Variants in PLXDC1 observed in about 807,000 individuals in gnomAD.
The protein encoded by PLXDC1 is plexin domain containing 1.
PLXDC1 carries 39 observed loss-of-function variants against 61.3 expected under a neutral mutation model. The ratio of observed to expected loss-of-function variants is 0.64; its 90% CI spans 0.49 to 0.83. The LOEUF is 0.83. Ranked by LOEUF, PLXDC1 falls within the 40% of genes least tolerant of loss-of-function variation. The pLI, the probability that PLXDC1 is intolerant of heterozygous loss-of-function variation, is 0.00. For synonymous variants in PLXDC1, 212 were observed against 254.5 expected, an observed-to-expected ratio of 0.83 and a Z score of 1.59; for missense variants, 596 against 666.5, an observed-to-expected ratio of 0.89 and a Z score of 1.17.
intron 11 of PLXDC1, among the ~76,000 whole-genome samples, chr17:39,075,850 G>C (rs1045960349): frequency 6.6e-6 from 1 of 152,150 alleles, no homozygotes; most frequent in Admixed American, 6.5e-5. Context: ...AGCCAAGGTG[G>C]GTGGATCACA....
chr17:39,124,067 A>G (rs73983215), intron 2 of PLXDC1, among the ~76,000 whole-genome samples: 480 of 152,254 alleles, frequency 3.2e-3, no homozygotes, highest in African/African-American at 0.011. Context: ...ACAGAAATGC[A>G]TTCTAGATCC....
chr17:39,071,123 G>A (rs1217442589), intron 12 of PLXDC1, among the ~76,000 whole-genome samples: 2 of 152,202 alleles, frequency 1.3e-5, no homozygotes, highest in South Asian at 2.1e-4. Context: ...CCGGGGGAGA[G>A]AGTATTTTCC....
chr17:39,085,513 G>A (rs2143438262), intron 8 of PLXDC1, among the ~76,000 whole-genome samples: 1 of 152,304 alleles, frequency 6.6e-6, no homozygotes, highest in Admixed American at 6.5e-5. Flanking sequence ...TCGTGGAGCT[G>A]ACAGTGAGAG....
chr17:39,128,199 G>GTA (rs1265238886), intron 2 of PLXDC1, among the ~76,000 whole-genome samples: 35 of 134,498 alleles, frequency 2.6e-4, no homozygotes, highest in Admixed American at 2.0e-3. Context: ...GTATATATAT[G>GTA]TATATATATG....
chr17:39,132,758 C>T (rs758156209), intron 2 of PLXDC1, among the ~76,000 whole-genome samples: 5 of 151,886 alleles, frequency 3.3e-5, no homozygotes, highest in African/African-American at 9.7e-5. Flanking sequence ...AGGGGAGGTC[C>T]GCAGCCAGGA....
rs563232365 is a variant in PLXDC1, at chr17:39,072,964, A to G, written c.1187-479T>C. The G allele has an allele frequency of 3.0e-5, 5 of 164,010 alleles. No homozygotes were observed. In the East Asian group the frequency reaches 6.5e-4, roughly 21 times the overall value. 10.2% of individuals were successfully genotyped at this position (164,010 alleles called of 1,614,324 possible). A position where few individuals can be genotyped will look rare whatever the true frequency, so the allele number is the denominator to read the frequency against. ...GTGGTTCCTTCCCATGCAGATTTTTATGGGGAAAGAAAAGCAAGAGTTCCA... is the reference window on the plus strand; with the variant it reads ...GTGGTTCCTTCCCATGCAGATTTTTGTGGGGAAAGAAAAGCAAGAGTTCCA... On this transcript the variant is annotated intron_variant, in intron 11 of 13. Transcript: ENST00000315392.
rs1180336911 is a variant in PLXDC1, at chr17:39,069,916, G to A, written c.1323C>T (p.Ile441=). ...VLAVLLVAAI[I]LAGIYINGHP... is the part of the protein sequence containing the mutation. ...GGCCATTGATGTAAATTCCAGCCAGGATGATGGCCGCCACGAGGAGGACTG... is the reference window on the plus strand; with the variant it reads ...GGCCATTGATGTAAATTCCAGCCAGAATGATGGCCGCCACGAGGAGGACTG... The change falls in exon 13 of 14, where the codon ATC becomes ATT. Residue 441 remains isoleucine, a synonymous_variant. Coordinates refer to ENST00000315392, the MANE Select transcript of PLXDC1 (RefSeq NM_020405.5). The A allele has an allele frequency of 1.2e-6, 2 of 1,613,734 alleles. No homozygotes were observed. The highest frequency in any genetic ancestry group is 2.2e-5 in the South Asian group (2 of 91,068).
intron 7 of PLXDC1, among the ~76,000 whole-genome samples, chr17:39,097,328 C>A (rs1035854218): frequency 3.9e-5 from 6 of 152,128 alleles, no homozygotes; most frequent in Non-Finnish European, 8.8e-5. Context: ...GTCTGCAGAC[C>A]AGATGGCTCT....
Position 39,063,703 on chromosome 17 carries a change from C to T in PLXDC1, c.*4137G>A, listed in dbSNP as rs553608839. The T allele has an allele frequency of 1.8e-4, 93 of 529,988 alleles. No individual in the cohort carries two copies. The Middle Eastern group carries it at 2.8e-3, about 16-fold the overall frequency. The allele number at this position is 529,988 out of a possible 1,614,324, so 32.8% of individuals were successfully genotyped here. A position where few individuals can be genotyped will look rare whatever the true frequency, so the allele number is the denominator to read the frequency against. ...CATGAATACATTGTGTTTTAGAAGG[C>T]TGGGTGCCCTCAGTCCCCAGATCTT... On this transcript the variant is annotated 3_prime_UTR_variant, in exon 14 of 14. Transcript: ENST00000315392.
chr17:39,096,034 A>C (rs1022343023), intron 7 of PLXDC1, among the ~76,000 whole-genome samples: 1 of 152,244 alleles, frequency 6.6e-6, no homozygotes, highest in Admixed American at 6.5e-5. Context: ...CCAGATGCCC[A>C]TGGGAGAGTG....
At chr17:39,078,572 C>T (rs4794802) in intron 10 of PLXDC1, among the ~76,000 whole-genome samples, 6 of 152,198 alleles carry the variant, frequency 3.9e-5, no homozygotes, top group Non-Finnish European at 5.9e-5. Context: ...ATAGACCCAT[C>T]TATGTTAGTC....
intron 2 of PLXDC1, among the ~76,000 whole-genome samples, chr17:39,110,549 C>T (rs774703115): frequency 2.0e-5 from 3 of 152,294 alleles, no homozygotes; most frequent in East Asian, 1.9e-4. Context: ...GAGCACCAGC[C>T]GCAGGAGGAA....
Position 39,109,375 on chromosome 17 carries a change from T to C in PLXDC1, c.272A>G (p.Tyr91Cys), listed in dbSNP as rs1335776487. 1 of 1,596,862 alleles carries C rather than the reference T, an allele frequency of 6.3e-7. No homozygotes were observed. The highest frequency in any genetic ancestry group is 1.1e-5 in the South Asian group (1 of 88,100). ...GGGGCCATAGAGACGGGACACATAA[T>C]AGCTGTGGTTGTCCTCCTGCCGGCA... is the stretch of plus-strand genomic sequence containing the variant. ...RTRVVEDNHSYYVSRLYGPSE... is the reference protein window; with the variant it reads ...RTRVVEDNHSCYVSRLYGPSE... The change falls in exon 3 of 14, where the codon TAT becomes TGT. Residue 91 changes from tyrosine (Y) to cysteine (C), a missense_variant. By Grantham distance (194) the Tyr-to-Cys change is radical. Coordinates refer to ENST00000315392, the MANE Select transcript of PLXDC1 (RefSeq NM_020405.5).
Position 39,069,993 on chromosome 17 carries a change from TG to T in PLXDC1, c.1245del (p.Lys416ArgfsTer55). On this transcript the variant is annotated frameshift_variant, in exon 13 of 14. Coordinates refer to ENST00000315392, the MANE Select transcript of PLXDC1 (RefSeq NM_020405.5). LOFTEE classifies it high-confidence loss of function. ...AGGTGCACAGGAGTGCCCTTTGTCT[TG>T]GGGGACAGGTTGTTCTGAAGGCCTG... ...GGDGLQNNLS[P>X]KTKGTPVHLG... 2 of 1,613,834 alleles carry T rather than the reference TG, an allele frequency of 1.2e-6. No individual in the cohort carries two copies. The highest frequency in any genetic ancestry group is 1.7e-6 in the Non-Finnish European group (2 of 1,179,836).
chr17:39,139,533 G>A (rs933999613), intron 2 of PLXDC1, 121 bp downstream of exon 2: 4 of 921,836 alleles, frequency 4.3e-6, no homozygotes, highest in East Asian at 2.7e-5. Context: ...TCTCCACCCT[G>A]TCCTCCGGGG....
intron 11 of PLXDC1, chr17:39,073,268 C>G (rs1280441804): frequency 1.3e-5 from 2 of 152,186 alleles, no homozygotes; most frequent in African/African-American, 2.4e-5. Context: ...CTCAAGCAAT[C>G]TTCTTACCTC....
rs1908797945 is a variant in PLXDC1 at position 39,063,849 on chromosome 17, T to G, written c.*3991A>C. 4.0e-6 allele frequency: 1 copy of G among 248,314 alleles called. No homozygotes were observed. Among genetic ancestry groups the G allele is most frequent in the Non-Finnish European group, 7.9e-6 (1 of 127,304 alleles). 15.4% of individuals were successfully genotyped at this position (248,314 alleles called of 1,614,324 possible). On this transcript the variant is annotated 3_prime_UTR_variant, in exon 14 of 14. Coordinates refer to ENST00000315392, the MANE Select transcript of PLXDC1 (RefSeq NM_020405.5). ...CAGGGAGTCTGAGTGCAGCCCCTGA[T>G]CAGTGCTTCATGCCAATCTGTGAGT...
At chr17:39,077,479 C>G (rs1461777950) in intron 11 of PLXDC1, among the ~76,000 whole-genome samples, 1 of 152,170 alleles carries the variant, frequency 6.6e-6, no homozygotes, top group Non-Finnish European at 1.5e-5. Context: ...GTCAGGTGAT[C>G]ATACAGAAAA....
intron 11 of PLXDC1, among the ~76,000 whole-genome samples, chr17:39,076,340 C>T (rs927583283): frequency 7.9e-5 from 12 of 151,446 alleles, no homozygotes; most frequent in Non-Finnish European, 1.3e-4. Context: ...GAGACCTCAT[C>T]TCTACAAAAA....
Sources: gnomAD v4.1 joint callset for allele counts (sites outside exome capture counted in the v4.1 genomes callset) on GRCh38, gnomAD v4.1.1 for gene constraint, MANE v1.5 for transcripts, NCBI Gene and HGNC (gene_info 2026-07-23, HGNC 2026-07-21) for gene names.